HDDC2: variants seen among roughly 807,000 people sequenced by gnomAD.
HDDC2 encodes the protein 5'-deoxynucleotidase HDDC2.
A neutral mutation model predicts 25.5 loss-of-function variants in HDDC2; 25 were observed. That is an observed-to-expected ratio of 0.98 (90% CI 0.72 to 1.37). The LOEUF is 1.37. Ranked by LOEUF, HDDC2 falls within the 40% of genes most tolerant of loss-of-function variation. HDDC2 has a pLI of 0.00. For synonymous variants in HDDC2, 106 were observed against 89.7 expected (o/e 1.18, Z -1.03); for missense variants, 264 against 253.1 (o/e 1.04, Z -0.29).
At chr6:125,284,311 A>G (rs964054679) in intron 4 of HDDC2, among the ~76,000 whole-genome samples, 2 of 152,202 alleles carry the variant, frequency 1.3e-5, no homozygotes, top group Non-Finnish European at 2.9e-5. Flanking sequence ...AAATTGACAA[A>G]TGGGATCTAA....
chr6:125,278,147 GT>G (rs933766331), intron 4 of HDDC2: 16 of 152,232 alleles, frequency 1.1e-4, no homozygotes, highest in African/African-American at 3.9e-4. Flanking sequence ...TCAATTAAAG[GT>G]TTCTTAGTTT....
At position 125,300,653 on chromosome 6, in the gene HDDC2, G is replaced by C; in HGVS notation, c.91C>G (p.Pro31Ala). ...LRLVGQLKRV[P>A]RTGWVYRNVQ... is the part of the protein sequence containing the mutation. ...TTTCTGTATACCCAGCCAGTTCGTG[G>C]GACTCTCTGATAAATATGAAGAAGA... The change falls in exon 2 of 6, where the codon CCA (proline) becomes GCA (alanine). Residue 31 changes from proline (P) to alanine (A), a missense_variant. Physicochemically the swap from Pro to Ala is conservative, Grantham distance 27 (BLOSUM62 -1). Transcript: ENST00000398153. 1 of 1,611,146 alleles carries C rather than the reference G, an allele frequency of 6.2e-7. No individual in the cohort carries two copies. The highest frequency in any genetic ancestry group is 8.5e-7 in the Non-Finnish European group (1 of 1,179,300).
chr6:125,288,241 G>C (rs1204704774), intron 4 of HDDC2, among the ~76,000 whole-genome samples: 1 of 152,160 alleles, frequency 6.6e-6, no homozygotes, highest in African/African-American at 2.4e-5. Flanking sequence ...TGCTTGAAGA[G>C]AGGGCTGAAC....
chr6:125,287,086 T>G (rs1018147987), intron 4 of HDDC2, among the ~76,000 whole-genome samples: 4 of 152,080 alleles, frequency 2.6e-5, no homozygotes, highest in Admixed American at 6.5e-5. Flanking sequence ...GCACCACAAG[T>G]GTGCAACTGG....
In HDDC2 at chr6:125,300,520, A is replaced by G. The variant is rs374870743; in HGVS notation, c.206+18T>C. The G allele has an allele frequency of 1.6e-5, 26 of 1,611,158 alleles. No individual in the cohort carries two copies. In the African/African-American group the frequency reaches 3.5e-4, roughly 22 times the overall value. On this transcript the variant is annotated intron_variant, in intron 2 of 5. Coordinates refer to ENST00000398153, the MANE Select transcript of HDDC2 (RefSeq NM_016063.3). ...AGACCAGAATCTCTCACGAGCATCA[A>G]AGTCCAGCTCAGCTTACCGGTCTTT...
At position 125,301,902 on chromosome 6, in the gene HDDC2, C is replaced by T; in HGVS notation, c.31G>A (p.Gly11Ser). ...TGCAGTAGGGACCGAGCCCCGTGGCCCGAGAAGGTCGCAGAGGAGACCGAA... is the reference window on the plus strand; with the variant it reads ...TGCAGTAGGGACCGAGCCCCGTGGCTCGAGAAGGTCGCAGAGGAGACCGAA... The part of the protein sequence containing the change: MASVSSATFS[G>S]HGARSLLQFL... The change falls in exon 1 of 6, where the codon GGC becomes AGC. Residue 11 changes from glycine to serine, a missense_variant. Gly to Ser is a moderately conservative substitution (Grantham distance 56). Transcript: ENST00000398153. 1 of 1,552,122 alleles carries T rather than the reference C, an allele frequency of 6.4e-7. No homozygotes were observed. The highest frequency in any genetic ancestry group is 8.7e-7 in the Non-Finnish European group (1 of 1,149,600).
In HDDC2 at chr6:125,288,362, G is replaced by A. The variant is rs577366326; in HGVS notation, c.378+4479C>T. On this transcript the variant is annotated intron_variant, in intron 4 of 5. Coordinates refer to ENST00000398153, the MANE Select transcript of HDDC2 (RefSeq NM_016063.3). ...AGGCTCTGCAGAGCCTGGTGGCCAG[G>A]GCGGCTGTGACCCCAGTCCCCACGG... 4.6e-5 allele frequency among the ~76,000 whole-genome samples: 7 copies of A among 152,230 alleles called. No individual in the cohort carries two copies. In the South Asian group the frequency reaches 1.2e-3, roughly 27 times the overall value.
intron 5 of HDDC2, 134 bp downstream of exon 5, chr6:125,276,968 C>T: frequency 2.4e-6 from 2 of 837,072 alleles, no homozygotes; most frequent in South Asian, 1.8e-5. Context: ...TGTTTCCTTC[C>T]CTTTCTTTTT....
Position 125,290,658 on chromosome 6 carries a change from A to G in HDDC2, c.378+2183T>C, listed in dbSNP as rs79792654. Among the ~76,000 whole-genome samples, 65 of 152,322 alleles carry G rather than the reference A, an allele frequency of 4.3e-4. No individual in the cohort carries two copies. In the East Asian group the frequency reaches 0.012, roughly 29 times the overall value. On this transcript the variant is annotated intron_variant, in intron 4 of 5. Coordinates refer to ENST00000398153, the MANE Select transcript of HDDC2 (RefSeq NM_016063.3). ...GACGTAGGGCCAATACCATGTGACT[A>G]CAGGGAAGAGACTGGAGTGATGTGT...
intron 4 of HDDC2, among the ~76,000 whole-genome samples, chr6:125,285,554 AAAG>A (rs1285481665): frequency 1.3e-5 from 2 of 152,268 alleles, no homozygotes; most frequent in East Asian, 3.9e-4. Context: ...GAAGACAGGC[AAAG>A]AAGAACCAAC....
chr6:125,287,909 C>G (rs1268651714), intron 4 of HDDC2, among the ~76,000 whole-genome samples: 1 of 152,200 alleles, frequency 6.6e-6, no homozygotes, highest in Non-Finnish European at 1.5e-5. Flanking sequence ...AGCGGGGTTG[C>G]CGGATCCAGC....
chr6:125,300,685 A>C, intron 1 of HDDC2, 26 bp from the exon 2 acceptor site: 1 of 1,607,236 alleles, frequency 6.2e-7, no homozygotes, highest in Non-Finnish European at 8.5e-7. Flanking sequence ...AAGAAAAAGA[A>C]GTTTTAAAGA....
chr6:125,282,910 A>G (rs1798479508), intron 4 of HDDC2, among the ~76,000 whole-genome samples: 1 of 152,208 alleles, frequency 6.6e-6, no homozygotes, highest in South Asian at 2.1e-4. Context: ...TAAAGAAAAG[A>G]CAAAGAAGGG....
chr6:125,297,381 G>A (rs1446586655), intron 3 of HDDC2: 1 of 390,394 alleles, frequency 2.6e-6, no homozygotes, highest in African/African-American at 2.1e-5. Flanking sequence ...CCTAAACTTT[G>A]GCAGGAAGAA....
intron 3 of HDDC2, among the ~76,000 whole-genome samples, chr6:125,296,377 AGG>A (rs1798706466): frequency 6.6e-6 from 1 of 152,162 alleles, no homozygotes; most frequent in African/African-American, 2.4e-5. Context: ...TTTAGTTTAG[AGG>A]CTCACTGATG....
chr6:125,293,247 A>G, intron 3 of HDDC2: 1 of 374,784 alleles, frequency 2.7e-6, no homozygotes, highest in South Asian at 2.5e-5. Context: ...ATCACAACAT[A>G]CCCACATACA....
At chr6:125,284,223 T>C (rs1798499896) in intron 4 of HDDC2, among the ~76,000 whole-genome samples, 1 of 151,878 alleles carries the variant, frequency 6.6e-6, no homozygotes, top group Admixed American at 6.6e-5. Context: ...GAAGAAAACC[T>C]AGGCAATACC....
intron 3 of HDDC2, among the ~76,000 whole-genome samples, chr6:125,293,443 A>G (rs1444474477): frequency 1.3e-5 from 2 of 152,262 alleles, no homozygotes; most frequent in African/African-American, 4.8e-5. Context: ...ACGAAGTTAC[A>G]TGATAGAATT....
chr6:125,299,345 T>G (rs1798760241), intron 2 of HDDC2, among the ~76,000 whole-genome samples: 1 of 152,176 alleles, frequency 6.6e-6, no homozygotes, highest in South Asian at 2.1e-4. Context: ...ACTGCACCAC[T>G]GCACTCCAGC....
Sources: gnomAD v4.1 joint callset for allele counts (sites outside exome capture counted in the v4.1 genomes callset) on GRCh38, gnomAD v4.1.1 for gene constraint, MANE v1.5 for transcripts, NCBI Gene and HGNC (gene_info 2026-07-23, HGNC 2026-07-21) for gene names.